Variants in RAB38 observed in about 807,000 individuals in gnomAD.
The protein encoded by RAB38 is ras-related protein Rab-38.
In RAB38, 15 loss-of-function variants were observed where a neutral mutation model predicts 18.4. The ratio of observed to expected loss-of-function variants is 0.82; its 90% CI spans 0.55 to 1.26. The LOEUF (loss-of-function observed/expected upper bound fraction) is 1.26. Ranked by LOEUF, RAB38 falls within the 50% of genes most tolerant of loss-of-function variation. RAB38 has a pLI of 0.00. For missense variants in RAB38, 294 were observed against 267.4 expected (o/e 1.10, Z -0.69); for synonymous variants, 101 against 104.4 (o/e 0.97, Z 0.20).
the RAB38 span, among the ~76,000 whole-genome samples, chr11:87,865,898 C>T: frequency 6.6e-6 from 1 of 151,630 alleles, no homozygotes; most frequent in African/African-American, 2.4e-5. Flanking sequence ...CAGCAGATGG[C>T]CCCTAATCTT....
chr11:88,073,147 A>T, the RAB38 span, among the ~76,000 whole-genome samples: 1 of 152,142 alleles, frequency 6.6e-6, no homozygotes, highest in Non-Finnish European at 1.5e-5. Context: ...GATACCTTTC[A>T]ACACACCATA....
At chr11:88,098,976 G>C in the RAB38 span, among the ~76,000 whole-genome samples, 2 of 151,842 alleles carry the variant, frequency 1.3e-5, no homozygotes, top group Non-Finnish European at 2.9e-5. Context: ...AAGAAAAGCA[G>C]ATTCTTTTTA....
the RAB38 span, among the ~76,000 whole-genome samples, chr11:87,818,874 A>T: frequency 6.6e-6 from 1 of 152,210 alleles, no homozygotes; most frequent in Non-Finnish European, 1.5e-5. Flanking sequence ...CAGACCCATC[A>T]AGAATTAACT....
the RAB38 span, among the ~76,000 whole-genome samples, chr11:88,025,764 G>C: frequency 6.6e-5 from 10 of 152,122 alleles, 1 homozygote; most frequent in East Asian, 1.9e-3. Flanking sequence ...TATAGAGTCT[G>C]GATATTAGAC....
the RAB38 span, among the ~76,000 whole-genome samples, chr11:87,834,700 A>G: frequency 6.6e-6 from 1 of 152,186 alleles, no homozygotes; most frequent in African/African-American, 2.4e-5. Context: ...TAGTCAGATA[A>G]TATCAGTTTA....
the RAB38 span, among the ~76,000 whole-genome samples, chr11:87,841,696 T>G: frequency 6.6e-6 from 1 of 152,184 alleles, no homozygotes; most frequent in Non-Finnish European, 1.5e-5. Flanking sequence ...TTTCTCAGAA[T>G]GTACAACCTG....
chr11:88,012,747 A>G, the RAB38 span, among the ~76,000 whole-genome samples: 2 of 152,052 alleles, frequency 1.3e-5, no homozygotes, highest in Admixed American at 6.6e-5. Flanking sequence ...TATTTAGTCA[A>G]ACTCCTCCAC....
the RAB38 span, among the ~76,000 whole-genome samples, chr11:87,921,804 A>G: frequency 6.6e-6 from 1 of 151,472 alleles, no homozygotes; most frequent in Non-Finnish European, 1.5e-5. Context: ...TTTTTTTCTC[A>G]GATAGCAGCT....
chr11:87,822,695 C>T, the RAB38 span, among the ~76,000 whole-genome samples: 2 of 152,164 alleles, frequency 1.3e-5, no homozygotes, highest in Admixed American at 6.5e-5. Flanking sequence ...AACCTAATCA[C>T]TTCCTTCATA....
intron 1 of RAB38, among the ~76,000 whole-genome samples, chr11:88,160,300 T>C (rs1030758979): frequency 2.6e-5 from 4 of 151,910 alleles, no homozygotes; most frequent in Non-Finnish European, 5.9e-5. Context: ...TCAGAATGGT[T>C]TACCATTTAC....
rs774036738 is a variant in RAB38 at position 88,149,812 on chromosome 11, T to C, written c.346A>G (p.Asn116Asp). The C allele has an allele frequency of 1.9e-6, 3 of 1,614,058 alleles. No homozygotes were observed. The highest frequency in any genetic ancestry group is 2.5e-6 in the Non-Finnish European group (3 of 1,179,992). ...NDLDSKLSLP[N>D]GKPVSVVLLA... ...AAAACCACTGAAACCGGTTTGCCAT[T>C]AGGGAGACTTAACTTGGAGTCCAAA... The change falls in exon 2 of 3, where the codon AAT (asparagine) becomes GAT (aspartate). Residue 116 changes from asparagine (N) to aspartate (D), a missense_variant. By Grantham distance (23) the Asn-to-Asp change is conservative. Transcript: ENST00000243662.
chr11:87,854,690 A>G, the RAB38 span, among the ~76,000 whole-genome samples: 1 of 152,246 alleles, frequency 6.6e-6, no homozygotes, highest in Admixed American at 6.5e-5. Flanking sequence ...AAAATAAAAC[A>G]TCTTTAAGAA....
chr11:88,042,521 A>G, the RAB38 span, among the ~76,000 whole-genome samples: 1 of 152,172 alleles, frequency 6.6e-6, no homozygotes, highest in East Asian at 1.9e-4. Flanking sequence ...TGCCTTCTGA[A>G]TGATATAATG....
the RAB38 span, among the ~76,000 whole-genome samples, chr11:88,043,195 G>T: frequency 6.6e-6 from 1 of 152,168 alleles, no homozygotes; most frequent in Non-Finnish European, 1.5e-5. Flanking sequence ...ACTCTTCCAT[G>T]TGATCATGCC....
the RAB38 span, among the ~76,000 whole-genome samples, chr11:88,043,755 C>T: frequency 5.9e-5 from 9 of 152,186 alleles, no homozygotes; most frequent in Non-Finnish European, 1.2e-4. Flanking sequence ...AGCCTTGCTG[C>T]TCACACAAAG....
At chr11:88,173,267 G>A (rs1943333048) in intron 1 of RAB38, among the ~76,000 whole-genome samples, 1 of 152,168 alleles carries the variant, frequency 6.6e-6, no homozygotes, top group Non-Finnish European at 1.5e-5. Flanking sequence ...TAGCTAGTGT[G>A]ATAATAATCC....
chr11:88,106,432 A>G, the RAB38 span, among the ~76,000 whole-genome samples: 1 of 152,122 alleles, frequency 6.6e-6, no homozygotes, highest in African/African-American at 2.4e-5. Context: ...ACTTTCTCAT[A>G]TTTGATATTT....
At chr11:87,927,493 T>C in the RAB38 span, among the ~76,000 whole-genome samples, 83 of 152,062 alleles carry the variant, frequency 5.5e-4, 1 homozygote, top group African/African-American at 1.9e-3. Flanking sequence ...AAATTGCCAA[T>C]CCACATACTC....
At chr11:87,859,785 C>G in the RAB38 span, among the ~76,000 whole-genome samples, 2,356 of 152,146 alleles carry the variant, frequency 0.015, 26 homozygotes, top group Non-Finnish European at 0.025. Flanking sequence ...CTTCTTGGCT[C>G]TGCTTCCACT....
Sources: allele counts gnomAD v4.1 joint callset (sites outside exome capture counted in the v4.1 genomes callset), GRCh38; gene constraint gnomAD v4.1.1; transcripts MANE v1.5; gene names NCBI Gene and HGNC (gene_info 2026-07-23, HGNC 2026-07-21).